The following DLX1 variants were observed in gnomAD, a reference collection of about 807,000 sequenced individuals.
DLX1 encodes the protein homeobox protein DLX-1.
In DLX1, 7 loss-of-function variants were observed where a neutral mutation model predicts 25.0. The observed-to-expected ratio is 0.28, with a 90% CI of 0.16 to 0.52. The LOEUF (loss-of-function observed/expected upper bound fraction) is 0.52, where lower values mean the gene tolerates loss of function less well. DLX1 is among the 20% of genes least tolerant of loss of function. DLX1 has a pLI of 0.96. For missense variants in DLX1, 233 were observed against 334.4 expected, an observed-to-expected ratio of 0.70 and a Z score of 2.37; for synonymous variants, 155 against 140.3, an observed-to-expected ratio of 1.10 and a Z score of -0.74.
Position 172,085,714 on chromosome 2 carries a change from C to G in DLX1, c.37C>G (p.Pro13Ala). ...MTTMPESLNSPVSGKAVFMEF... is the reference protein window; with the variant it reads ...MTTMPESLNSAVSGKAVFMEF... ...CACCATGCCAGAAAGTCTCAACAGCCCCGTGTCGGGCAAGGCGGTGTTTAT... is the reference window on the plus strand; with the variant it reads ...CACCATGCCAGAAAGTCTCAACAGCGCCGTGTCGGGCAAGGCGGTGTTTAT... The change falls in exon 1 of 3, where the codon CCC (proline) becomes GCC (alanine). Residue 13 changes from proline to alanine, a missense_variant. Physicochemically the swap from Pro to Ala is conservative, Grantham distance 27. Around this residue, in one of 3 missense-constraint regions of DLX1, gnomAD observed 126 missense variants for 170.4 expected, o/e 0.74. Coordinates refer to ENST00000361725, the MANE Select transcript of DLX1 (RefSeq NM_178120.5). This position sits in a 1 kb window ranked among gnomAD's most constrained non-coding sequence, Gnocchi z 4.3. 1 of 1,614,110 alleles carries G rather than the reference C, an allele frequency of 6.2e-7. No homozygotes were observed. Among genetic ancestry groups the G allele is most frequent in the East Asian group, 2.2e-5 (1 of 44,878 alleles).
chr2:172,085,714 C>T lies in DLX1; in HGVS notation c.37C>T (p.Pro13Ser), dbSNP rs1468732626. The change falls in exon 1 of 3, where the codon CCC becomes TCC. Residue 13 changes from proline (P) to serine (S), a missense_variant. Pro to Ser is a moderately conservative substitution (Grantham distance 74, BLOSUM62 -1). Coordinates refer to ENST00000361725, the MANE Select transcript of DLX1 (RefSeq NM_178120.5). The surrounding 1 kb of genome is among the most constrained non-coding windows in gnomAD (Gnocchi z 4.3). ...CACCATGCCAGAAAGTCTCAACAGC[C>T]CCGTGTCGGGCAAGGCGGTGTTTAT... Reference protein sequence around the residue: ...MTTMPESLNSPVSGKAVFMEF... With the variant: ...MTTMPESLNSSVSGKAVFMEF... 6.2e-7 allele frequency: 1 copy of T among 1,614,110 alleles called. No individual in the cohort carries two copies. The highest frequency in any genetic ancestry group is 8.5e-7 in the Non-Finnish European group (1 of 1,180,008).
In DLX1 at chr2:172,088,197, C is replaced by A. The variant is rs377685238; in HGVS notation, c.708C>A (p.Ser236Arg). The part of the protein sequence containing the change: ...SGGNAGSYIP[S>R]YTSWYPSAHQ... ...GAAACGCGGGCTCCTATATCCCCAG[C>A]TACACATCGTGGTACCCTTCAGCGC... Residue 236 changes from serine (S) to arginine (R), a missense_variant, in exon 3 of 3, where the codon AGC becomes AGA. Around this residue, in one of 3 missense-constraint regions of DLX1, gnomAD observed 84 missense variants for 81.8 expected, o/e 1.03. Transcript: ENST00000361725. 1 of 1,606,714 alleles carries A rather than the reference C, an allele frequency of 6.2e-7. No individual in the cohort carries two copies. The highest frequency in any genetic ancestry group is 1.3e-5 in the African/African-American group (1 of 74,446).
rs149775826 is a variant in DLX1 at position 172,085,848 on chromosome 2, C to T, written c.171C>T (p.Tyr57=). The T allele has an allele frequency of 4.5e-5, 72 of 1,614,232 alleles. No individual in the cohort carries two copies. In the African/African-American group the frequency reaches 8.8e-4, roughly 20 times the overall value. The change falls in exon 1 of 3, where the codon TAC becomes TAT. Residue 57 remains tyrosine (Y), a synonymous_variant. Coordinates refer to ENST00000361725, the MANE Select transcript of DLX1 (RefSeq NM_178120.5). This position sits in a 1 kb window ranked among gnomAD's most constrained non-coding sequence, Gnocchi z 4.3. ...SAGHSQPDGA[Y]SSASSFSRPL... ...GCCATTCGCAGCCCGACGGCGCCTA[C>T]AGCTCAGCCTCGTCCTTCTCCCGAC...
Position 172,088,542 on chromosome 2 carries a change from C to A in DLX1, c.*285C>A, listed in dbSNP as rs1013326043. On this transcript the variant is annotated 3_prime_UTR_variant, in exon 3 of 3. Transcript: ENST00000361725. ...AGCAGCAAGATAAACCCGCTCCACC[C>A]GACCCGCCGACCTTCAGCTTTGTGG... 1 of 369,894 alleles carries A rather than the reference C, an allele frequency of 2.7e-6. No individual in the cohort carries two copies. The highest frequency in any genetic ancestry group is 1.4e-4 in the South Asian group (1 of 7,082). The allele number at this position is 369,894 out of a possible 1,614,324, so 22.9% of individuals were successfully genotyped here.
At chr2:172,087,492 A>T (rs1389710591) in intron 2 of DLX1, 1 of 457,732 alleles carries the variant, frequency 2.2e-6, no homozygotes, top group Non-Finnish European at 4.4e-6. Context: ...TTTTGAATCC[A>T]AAGAGAAGTT....
Position 172,088,453 on chromosome 2 carries a change from T to A in DLX1, c.*196T>A. 1.6e-6 allele frequency: 1 copy of A among 633,590 alleles called. No individual in the cohort carries two copies. The highest frequency in any genetic ancestry group is 1.9e-5 in the African/African-American group (1 of 52,996). The allele number at this position is 633,590 out of a possible 1,614,324, so 39.2% of individuals were successfully genotyped here. A position where few individuals can be genotyped will look rare whatever the true frequency, so the allele number is the denominator to read the frequency against. On this transcript the variant is annotated 3_prime_UTR_variant, in exon 3 of 3. Transcript: ENST00000361725. ...CCGCGCTCTAGCCTGAACCCTGGCC[T>A]GGGCCGAGCAGTGGCAGCAGAGAGT... is the stretch of plus-strand genomic sequence containing the variant.
intron 1 of DLX1, 47 bp from the exon 2 acceptor site, chr2:172,086,607 G>A: frequency 6.7e-7 from 1 of 1,497,062 alleles, no homozygotes; most frequent in Non-Finnish European, 9.0e-7. Flanking sequence ...CGCACTAAAG[G>A]CGGCCCCTCG....
chr2:172,086,686 G>A lies in DLX1; in HGVS notation c.346G>A (p.Gly116Ser), dbSNP rs747241111. Residue 116 changes from glycine (G) to serine (S), a missense_variant, in exon 2 of 3, where the codon GGC (glycine) becomes AGC (serine). Gly to Ser is a moderately conservative substitution (Grantham distance 56). Around this residue, in one of 3 missense-constraint regions of DLX1, gnomAD observed 126 missense variants for 170.4 expected, o/e 0.74. Coordinates refer to ENST00000361725, the MANE Select transcript of DLX1 (RefSeq NM_178120.5). ...ADSEKSTVVE[G>S]GEVRFNGKGK... ...CTCGGAGAAGAGCACGGTGGTGGAA[G>A]GCGGTGAAGTGCGCTTCAATGGCAA... 2 of 1,554,644 alleles carry A rather than the reference G, an allele frequency of 1.3e-6. No individual in the cohort carries two copies. Among genetic ancestry groups the A allele is most frequent in the South Asian group, 2.5e-5 (2 of 81,170 alleles).
At chr2:172,087,694 C>A in intron 2 of DLX1, 1 of 597,860 alleles carries the variant, frequency 1.7e-6, no homozygotes. Context: ...AGGCGGTAGC[C>A]ACGGTCGGAC....
chr2:172,088,286 C>G lies in DLX1; in HGVS notation c.*29C>G. ...TGCCCGCCCGTCTCCTTCTTGTCTC[C>G]CCGGCCCAGGTCCCTCCCGCCTCCA... On this transcript the variant is annotated 3_prime_UTR_variant, in exon 3 of 3. Coordinates refer to ENST00000361725, the MANE Select transcript of DLX1 (RefSeq NM_178120.5). The G allele has an allele frequency of 7.0e-7, 1 of 1,433,704 alleles. No individual in the cohort carries two copies. The highest frequency in any genetic ancestry group is 9.2e-7 in the Non-Finnish European group (1 of 1,084,584). The allele number at this position is 1,433,704 out of a possible 1,614,324, so 88.8% of individuals were successfully genotyped here.
At position 172,088,214 on chromosome 2, in the gene DLX1, C is replaced by T. The variant is rs1450905549; in HGVS notation, c.725C>T (p.Pro242Leu). Residue 242 changes from proline to leucine, a missense_variant, in exon 3 of 3, where the codon CCT becomes CTT. Coordinates refer to ENST00000361725, the MANE Select transcript of DLX1 (RefSeq NM_178120.5). ...ATCCCCAGCTACACATCGTGGTACC[C>T]TTCAGCGCACCAAGAAGCTATGCAG... ...SYIPSYTSWY[P>L]SAHQEAMQQP... 6.4e-7 allele frequency: 1 copy of T among 1,574,630 alleles called. No individual in the cohort carries two copies. Among genetic ancestry groups the T allele is most frequent in the Non-Finnish European group, 8.6e-7 (1 of 1,160,892 alleles).
rs761445680 is a variant in DLX1, at chr2:172,085,751, C to T, written c.74C>T (p.Pro25Leu). ...AAGGCGGTGTTTATGGAGTTTGGGC[C>T]GCCCAACCAGCAAATGTCTCCTTCT... The part of the protein sequence containing the change: ...SGKAVFMEFG[P>L]PNQQMSPSPM... Residue 25 changes from proline to leucine, a missense_variant, in exon 1 of 3, where the codon CCG becomes CTG. By Grantham distance (98) the Pro-to-Leu change is moderately conservative. Coordinates refer to ENST00000361725, the MANE Select transcript of DLX1 (RefSeq NM_178120.5). This position sits in a 1 kb window ranked among gnomAD's most constrained non-coding sequence, Gnocchi z 4.3. 6.2e-7 allele frequency: 1 copy of T among 1,614,144 alleles called. No individual in the cohort carries two copies. The highest frequency in any genetic ancestry group is 1.7e-5 in the Admixed American group (1 of 60,022).
chr2:172,086,551 G>C, intron 1 of DLX1, 103 bp from the exon 2 acceptor site: 1 of 1,147,322 alleles, frequency 8.7e-7, no homozygotes, highest in South Asian at 1.6e-5. Context: ...TTCTCTCCCT[G>C]GTGCTGCCTC....
intron 1 of DLX1, chr2:172,086,371 T>C (rs1361193803): frequency 6.5e-5 from 31 of 479,096 alleles, no homozygotes; most frequent in Middle Eastern, 5.2e-4. Flanking sequence ...ATAAACAATG[T>C]ATGCAATTAA....
intron 2 of DLX1, among the ~76,000 whole-genome samples, 179 bp from the exon 3 acceptor site, chr2:172,087,824 T>G (rs1352907191): frequency 1.3e-5 from 2 of 152,224 alleles, no homozygotes; most frequent in Non-Finnish European, 2.9e-5. Flanking sequence ...TTCGAGCCTT[T>G]GGCTCTTATG....
rs1384843684 is a variant in DLX1 at position 172,089,126 on chromosome 2, G to A, written c.*869G>A. The A allele has an allele frequency of 6.6e-6, 1 of 152,078 alleles. No individual in the cohort carries two copies. Among genetic ancestry groups the A allele is most frequent in the Non-Finnish European group, 1.5e-5 (1 of 68,016 alleles). The allele number at this position is 152,078 out of a possible 1,614,324, so 9.4% of individuals were successfully genotyped here. On this transcript the variant is annotated 3_prime_UTR_variant, in exon 3 of 3. Transcript: ENST00000361725. ...GAAGCCAACATGATTTTCTCATTTCGGGAGGAACTCTGTTGCTTCGCCTGG... is the reference window on the plus strand; with the variant it reads ...GAAGCCAACATGATTTTCTCATTTCAGGAGGAACTCTGTTGCTTCGCCTGG...
intron 2 of DLX1, among the ~76,000 whole-genome samples, chr2:172,087,796 G>A (rs1296443489): frequency 5.9e-5 from 9 of 152,212 alleles, no homozygotes; most frequent in Admixed American, 2.0e-4. Context: ...TGGGCTGACG[G>A]CGGCGGGAGG....
At chr2:172,086,459 G>C (rs1219342343) in intron 1 of DLX1, 195 bp from the exon 2 acceptor site, 23 of 529,264 alleles carry the variant, frequency 4.3e-5, no homozygotes, top group Non-Finnish European at 6.5e-6. Flanking sequence ...TCCTGGGAAC[G>C]GCTCTATCCC....
At chr2:172,086,268 C>A (rs1364638527) in intron 1 of DLX1, 2 of 526,226 alleles carry the variant, frequency 3.8e-6, no homozygotes, top group Non-Finnish European at 6.7e-6. Context: ...GGCCTCTGGG[C>A]GGCTCGGTGT....
Sources: gnomAD v4.1 joint callset for allele counts (sites outside exome capture counted in the v4.1 genomes callset) on GRCh38, gnomAD v4.1.1 for gene constraint, gnomAD v4.1.1 regional missense constraint, Gnocchi (gnomAD v3.1) non-coding constraint, MANE v1.5 for transcripts, NCBI Gene and HGNC (gene_info 2026-07-23, HGNC 2026-07-21) for gene names.